Variants in BIRC3 observed in about 807,000 individuals in gnomAD.
BIRC3 encodes the protein baculoviral IAP repeat-containing protein 3.
BIRC3 carries 26 observed loss-of-function variants against 59.0 expected under a neutral mutation model. The ratio of observed to expected loss-of-function variants is 0.44; its 90% confidence interval spans 0.32 to 0.61. The LOEUF (loss-of-function observed/expected upper bound fraction) is 0.61. Among genes scored for constraint, BIRC3 ranks in the 20% least tolerant of loss-of-function variants. BIRC3 has a pLI of 0.04. For synonymous variants in BIRC3, 243 were observed against 249.2 expected (o/e 0.98, Z 0.24); for missense variants, 641 against 711.5 (o/e 0.90, Z 1.13).
chr11:102,329,283 A>G (rs946353315), intron 5 of BIRC3, among the ~76,000 whole-genome samples: 1 of 152,206 alleles, frequency 6.6e-6, no homozygotes, highest in East Asian at 1.9e-4. Context: ...GTACTATGAT[A>G]TTAGATTGCT....
chr11:102,318,269 T>A (rs1338719976), intron 1 of BIRC3, among the ~76,000 whole-genome samples: 1 of 152,222 alleles, frequency 6.6e-6, no homozygotes, highest in African/African-American at 2.4e-5. Flanking sequence ...ATGAGGAAAC[T>A]GAGGCTCTTG....
Position 102,339,016 on chromosome 11 carries a change from T to G in BIRC3, c.*1914T>G. On this transcript the variant is annotated 3_prime_UTR_variant, in exon 9 of 9. Coordinates refer to ENST00000263464, the MANE Select transcript of BIRC3 (RefSeq NM_001165.5). ...GTGAGGGGAGGAAAGAATCCATCTC[T>G]GCATTCTGATGCTGGGAGACTTATT... 5.1e-6 allele frequency: 1 copy of G among 197,284 alleles called. No individual in the cohort carries two copies. The highest frequency in any genetic ancestry group is 9.8e-6 in the Non-Finnish European group (1 of 101,684). 12.2% of individuals were successfully genotyped at this position (197,284 alleles called of 1,614,324 possible). A position where few individuals can be genotyped will look rare whatever the true frequency, so the allele number is the denominator to read the frequency against.
Position 102,335,993 on chromosome 11 carries a change from G to A in BIRC3, c.1352G>A (p.Arg451Lys). The A allele has an allele frequency of 6.2e-7, 1 of 1,611,014 alleles. No individual in the cohort carries two copies. Among genetic ancestry groups the A allele is most frequent in the Middle Eastern group, 1.7e-4 (1 of 5,852 alleles). Residue 451 changes from arginine (R) to lysine (K), a missense_variant, in exon 7 of 9, where the codon AGA becomes AAA. Physicochemically the swap from Arg to Lys is conservative, Grantham distance 26. Around this residue, in one of 4 missense-constraint regions of BIRC3, gnomAD observed 268 missense variants for 255.7 expected, o/e 1.05. Transcript: ENST00000263464. ...SNDLLLIRKN[R>K]MALFQHLTCV... is the part of the protein sequence containing the mutation. ...GATTTATTATTAATCCGGAAGAATA[G>A]AATGGCACTTTTTCAACATTTGACT...
Position 102,328,144 on chromosome 11 carries a change from T to C in BIRC3, c.1032+14T>C, listed in dbSNP as rs1191515187. On this transcript the variant is annotated intron_variant, in intron 4 of 8. Coordinates refer to ENST00000263464, the MANE Select transcript of BIRC3 (RefSeq NM_001165.5). ...CTACTTGAACAGGTAGGGCAAGTTC[T>C]TTTTTTAAATATTGGTTGCCATCAG... The C allele has an allele frequency of 1.9e-6, 3 of 1,595,300 alleles. No homozygotes were observed. Among genetic ancestry groups the C allele is most frequent in the Non-Finnish European group, 2.6e-6 (3 of 1,169,524 alleles).
In BIRC3 at chr11:102,322,314, T is replaced by C. The variant is rs983979477; in HGVS notation, c.-2196T>C. 4 of 207,630 alleles carry C rather than the reference T, an allele frequency of 1.9e-5. No individual in the cohort carries two copies. Among genetic ancestry groups the C allele is most frequent in the Non-Finnish European group, 2.9e-5 (3 of 101,836 alleles). The allele number at this position is 207,630 out of a possible 1,614,324, so 12.9% of individuals were successfully genotyped here. ...TGAAAGTTTTGACACATTAAAATAC[T>C]TCTACAGTGACAAAGAAAAATCAAG... On this transcript the variant is annotated 5_prime_UTR_variant, in exon 2 of 9. Coordinates refer to ENST00000263464, the MANE Select transcript of BIRC3 (RefSeq NM_001165.5).
rs936798085 is a variant in BIRC3 at position 102,328,857 on chromosome 11, T to C, written c.1033-40T>C. Reference sequence around the variant, plus strand: ...GGGTAAGATAAGATTTCTATTTTAATTTATATATATATATATATATATATT... The same window carrying C: ...GGGTAAGATAAGATTTCTATTTTAACTTATATATATATATATATATATATT... On this transcript the variant is annotated intron_variant, in intron 4 of 8. Transcript: ENST00000263464. 6.0e-6 allele frequency: 4 copies of C among 664,338 alleles called. No individual in the cohort carries two copies. The Admixed American group carries it at 2.7e-4, about 44-fold the overall frequency. The allele number at this position is 664,338 out of a possible 1,614,324, so 41.2% of individuals were successfully genotyped here.
rs1951046372 is a variant in BIRC3, at chr11:102,322,976, C to G, written c.-1534C>G. On this transcript the variant is annotated 5_prime_UTR_variant, in exon 2 of 9. It adds an upstream start codon to the 5' untranslated region. Transcript: ENST00000263464. The stretch of plus-strand genomic sequence containing the variant: ...TAAATTCTGGTTCAAGGTATGCTAT[C>G]CATGAAATAATTTCTGACCAAAACT... 5.0e-6 allele frequency: 1 copy of G among 201,192 alleles called. No individual in the cohort carries two copies. The highest frequency in any genetic ancestry group is 2.3e-5 in the African/African-American group (1 of 43,468). The allele number at this position is 201,192 out of a possible 1,614,324, so 12.5% of individuals were successfully genotyped here. A position where few individuals can be genotyped will look rare whatever the true frequency, so the allele number is the denominator to read the frequency against.
chr11:102,326,358 C>T (rs76633237), intron 3 of BIRC3, among the ~76,000 whole-genome samples: 5 of 152,262 alleles, frequency 3.3e-5, no homozygotes, highest in Non-Finnish European at 5.9e-5. Flanking sequence ...TTAGTCGCCA[C>T]GCAGCATTTT....
chr11:102,332,759 A>G (rs1951156980), intron 6 of BIRC3, among the ~76,000 whole-genome samples: 1 of 152,212 alleles, frequency 6.6e-6, no homozygotes, highest in African/African-American at 2.4e-5. Context: ...TACATTCACC[A>G]AAGTGTGAAT....
chr11:102,324,359 G>C lies in BIRC3; in HGVS notation c.-151G>C. On this transcript the variant is annotated 5_prime_UTR_variant, in exon 2 of 9. The change abolishes an upstream ATG in the 5' untranslated region. Transcript: ENST00000263464. ...TCAGTATAGGATTTAGAATCTCCAT[G>C]TTGAAACTCTAAATGCATAGAAATA... 1.2e-6 allele frequency: 1 copy of C among 810,272 alleles called. No individual in the cohort carries two copies. Among genetic ancestry groups the C allele is most frequent in the Non-Finnish European group, 1.8e-6 (1 of 545,978 alleles). 50.2% of individuals were successfully genotyped at this position (810,272 alleles called of 1,614,324 possible).
rs748718635 is a variant in BIRC3, at chr11:102,323,871, T to C, written c.-639T>C. On this transcript the variant is annotated 5_prime_UTR_variant, in exon 2 of 9. Coordinates refer to ENST00000263464, the MANE Select transcript of BIRC3 (RefSeq NM_001165.5). Reference sequence around the variant, plus strand: ...AAGTGCTTCTAATTAAAATATGATGTCATTAATTATGAAATACTTCTTGAT... The same window carrying C: ...AAGTGCTTCTAATTAAAATATGATGCCATTAATTATGAAATACTTCTTGAT... The C allele has an allele frequency of 2.5e-5, 5 of 201,156 alleles. No individual in the cohort carries two copies. The highest frequency in any genetic ancestry group is 5.1e-5 in the Non-Finnish European group (5 of 97,928). The allele number at this position is 201,156 out of a possible 1,614,324, so 12.5% of individuals were successfully genotyped here. A position where few individuals can be genotyped will look rare whatever the true frequency, so the allele number is the denominator to read the frequency against.
intron 6 of BIRC3, among the ~76,000 whole-genome samples, chr11:102,335,676 A>T (rs938236763): frequency 6.6e-6 from 1 of 152,000 alleles, no homozygotes; most frequent in African/African-American, 2.4e-5. Context: ...AAGACAGGGT[A>T]TTGCTATGTT....
In BIRC3 at chr11:102,325,078, C is replaced by T. The variant is rs566770230; in HGVS notation, c.569C>T (p.Ala190Val). The T allele has an allele frequency of 2.5e-6, 4 of 1,614,174 alleles. No individual in the cohort carries two copies. The African/African-American group carries it at 5.3e-5, about 22-fold the overall frequency. Residue 190 changes from alanine to valine, a missense_variant, in exon 2 of 9, where the codon GCA (alanine) becomes GTA (valine). Transcript: ENST00000263464. ...PLTFLSPTDL[A>V]KAGFYYIGPG... ...ACTTTTCTGTCGCCAACAGATCTGG[C>T]AAAAGCAGGCTTTTACTACATAGGA...
At position 102,325,224 on chromosome 11, in the gene BIRC3, C is replaced by G; in HGVS notation, c.715C>G (p.Leu239Val). 1 of 1,614,090 alleles carries G rather than the reference C, an allele frequency of 6.2e-7. No individual in the cohort carries two copies. Among genetic ancestry groups the G allele is most frequent in the Non-Finnish European group, 8.5e-7 (1 of 1,180,002 alleles). The change falls in exon 2 of 9, where the codon CTT becomes GTT. Residue 239 changes from leucine (L) to valine (V), a missense_variant. Leu to Val is a conservative substitution (Grantham distance 32). This residue lies in a region of BIRC3 where 329 missense variants were observed against 365.6 expected (regional missense o/e 0.90). Coordinates refer to ENST00000263464, the MANE Select transcript of BIRC3 (RefSeq NM_001165.5). ...FPKCPFIENQ[L>V]QDTSRYTVSN... ...CAAATGCCCATTTATAGAAAATCAG[C>G]TTCAAGACACTTCAAGATACACAGT...
rs1462304889 is a variant in BIRC3, at chr11:102,322,653, G to A, written c.-1857G>A. 4 of 209,092 alleles carry A rather than the reference G, an allele frequency of 1.9e-5. No individual in the cohort carries two copies. Among genetic ancestry groups the A allele is most frequent in the African/African-American group, 9.1e-5 (4 of 43,950 alleles). The allele number at this position is 209,092 out of a possible 1,614,324, so 13.0% of individuals were successfully genotyped here. The stretch of plus-strand genomic sequence containing the variant: ...GTTAGATACAATTACTTACCTTTGA[G>A]GGAAATAATTGTTGGTAATGAGATG... On this transcript the variant is annotated 5_prime_UTR_variant, in exon 2 of 9. Coordinates refer to ENST00000263464, the MANE Select transcript of BIRC3 (RefSeq NM_001165.5).
chr11:102,324,872 A>C lies in BIRC3; in HGVS notation c.363A>C (p.Thr121=), dbSNP rs530417812. The C allele has an allele frequency of 3.1e-6, 5 of 1,614,214 alleles. No individual in the cohort carries two copies. The highest frequency in any genetic ancestry group is 2.2e-5 in the East Asian group (1 of 44,886). Residue 121 remains threonine, a synonymous_variant, in exon 2 of 9, where the codon ACA becomes ACC. Transcript: ENST00000263464. ...PTFPSSVTNS[T]HSLLPGTENS... is the part of the protein sequence containing the mutation. ...TTCCTTCTTCAGTAACAAATTCCACACACTCATTACTTCCGGGTACAGAAA... is the reference window on the plus strand; with the variant it reads ...TTCCTTCTTCAGTAACAAATTCCACCCACTCATTACTTCCGGGTACAGAAA...
chr11:102,336,320 G>A (rs532139987), intron 7 of BIRC3, 100 bp downstream of exon 7: 88 of 1,315,184 alleles, frequency 6.7e-5, no homozygotes, highest in Non-Finnish European at 8.8e-5. Context: ...GGCTGAATGT[G>A]GTGACTCATG....
chr11:102,334,650 A>G (rs1327638765), intron 6 of BIRC3, among the ~76,000 whole-genome samples: 1 of 152,212 alleles, frequency 6.6e-6, no homozygotes, highest in Non-Finnish European at 1.5e-5. Context: ...AAACAGCTTT[A>G]TGGATTATGG....
intron 6 of BIRC3, among the ~76,000 whole-genome samples, chr11:102,334,490 G>A (rs2135791421): frequency 6.6e-6 from 1 of 152,072 alleles, no homozygotes; most frequent in African/African-American, 2.4e-5. Context: ...GATTTTTGCT[G>A]TTTTCTTTTT....
Sources: gnomAD v4.1 joint callset for allele counts (sites outside exome capture counted in the v4.1 genomes callset) on GRCh38, gnomAD v4.1.1 for gene constraint, gnomAD v4.1.1 regional missense constraint, MANE v1.5 for transcripts, NCBI Gene and HGNC (gene_info 2026-07-23, HGNC 2026-07-21) for gene names.